SSBP3: variants seen among roughly 807,000 people sequenced by gnomAD.
The protein encoded by SSBP3 is single-stranded DNA-binding protein 3.
In SSBP3, 5 loss-of-function variants were observed where a neutral mutation model predicts 69.6. The observed-to-expected ratio is 0.07, with a 90% CI of 0.04 to 0.15. The LOEUF (loss-of-function observed/expected upper bound fraction) is 0.15, where lower values mean the gene tolerates loss of function less well. Ranked by LOEUF, SSBP3 falls within the 10% of genes least tolerant of loss-of-function variation. The pLI is 1.00. For synonymous variants in SSBP3, 196 were observed against 193.4 expected, an observed-to-expected ratio of 1.01 and a Z score of -0.11; for missense variants, 312 against 534.0, an observed-to-expected ratio of 0.58 and a Z score of 4.10.
intron 4 of SSBP3, among the ~76,000 whole-genome samples, chr1:54,316,769 C>A (rs1646122570): frequency 1.3e-5 from 2 of 151,048 alleles, no homozygotes; most frequent in South Asian, 4.2e-4. Flanking sequence ...TAAGAAAATA[C>A]CTTCGCGTGG....
chr1:54,327,575 T>C (rs903475038), intron 4 of SSBP3, among the ~76,000 whole-genome samples: 1 of 152,072 alleles, frequency 6.6e-6, no homozygotes, highest in African/African-American at 2.4e-5. Flanking sequence ...TTTCTTTCCC[T>C]TTCTCTCTCT....
At chr1:54,407,713 T>A (rs901586102), upstream of SSBP3, among the ~76,000 whole-genome samples, 3 of 151,132 alleles carry the variant, frequency 2.0e-5, no homozygotes, top group Admixed American at 2.0e-4. Flanking sequence ...TTTGGATACA[T>A]CTTTAGGGGA....
chr1:54,238,558 C>T, intron 14 of SSBP3: 1 of 348,982 alleles, frequency 2.9e-6, no homozygotes. Context: ...GCAGGGGACA[C>T]AGGAGGAAGT....
chr1:54,235,352 G>A (rs533287543), intron 14 of SSBP3, among the ~76,000 whole-genome samples: 22 of 140,164 alleles, frequency 1.6e-4, no homozygotes, highest in African/African-American at 1.9e-4. Flanking sequence ...CACGATCTCT[G>A]CTCACTGCAA....
At chr1:54,370,623 A>G (rs568604488) in intron 4 of SSBP3, among the ~76,000 whole-genome samples, 1 of 152,154 alleles carries the variant, frequency 6.6e-6, no homozygotes, top group African/African-American at 2.4e-5. Context: ...CGGGGTAATA[A>G]GCCTTGTCTG....
intron 5 of SSBP3, among the ~76,000 whole-genome samples, chr1:54,270,791 C>T (rs1311917340): frequency 3.9e-5 from 6 of 152,176 alleles, no homozygotes; most frequent in Admixed American, 1.3e-4. Flanking sequence ...TTCTCGCAGC[C>T]GACCTAAGAT....
chr1:54,234,198 C>A (rs1178461134), intron 14 of SSBP3, among the ~76,000 whole-genome samples: 1 of 151,038 alleles, frequency 6.6e-6, no homozygotes, highest in African/African-American at 2.4e-5. Flanking sequence ...TAATCAGGGA[C>A]ACAAACACTG....
In SSBP3 at chr1:54,239,257, A is replaced by G; in HGVS notation, c.857-58T>C. On this transcript the variant is annotated intron_variant, in intron 13 of 17. Coordinates refer to ENST00000610401, the Ensembl canonical transcript of SSBP3. ...GATTAATTCGTTTCTTAATTAAAAC[A>G]AACTCATGGCACTGGAACTCATTCT... is the stretch of plus-strand genomic sequence containing the variant. The G allele has an allele frequency of 2.2e-6, 3 of 1,388,602 alleles. No individual in the cohort carries two copies. The Admixed American group carries it at 6.1e-5, about 28-fold the overall frequency. The allele number at this position is 1,388,602 out of a possible 1,614,324, so 86.0% of individuals were successfully genotyped here.
At chr1:54,338,270 C>G (rs981903457) in intron 4 of SSBP3, among the ~76,000 whole-genome samples, 2 of 152,252 alleles carry the variant, frequency 1.3e-5, no homozygotes, top group Admixed American at 6.5e-5. Context: ...ATATGCTTGC[C>G]TTGCATATGC....
intron 4 of SSBP3, among the ~76,000 whole-genome samples, chr1:54,320,547 T>C (rs1224596864): frequency 7.2e-5 from 11 of 152,036 alleles, no homozygotes; most frequent in Admixed American, 7.2e-4. Context: ...CTTGATCTCC[T>C]GACCTCGTGA....
At chr1:54,306,896 T>C (rs1183118226) in intron 4 of SSBP3, among the ~76,000 whole-genome samples, 1 of 152,182 alleles carries the variant, frequency 6.6e-6, no homozygotes, top group South Asian at 2.1e-4. Context: ...AGAGGTGGCA[T>C]GCGCCTAACA....
chr1:54,379,508 T>C (rs1175470248), intron 4 of SSBP3, among the ~76,000 whole-genome samples: 1 of 152,196 alleles, frequency 6.6e-6, no homozygotes, highest in East Asian at 1.9e-4. Context: ...AGACGCTTGA[T>C]TTGTTTTGTT....
intron 3 of SSBP3, 138 bp downstream of exon 3, chr1:54,404,438 T>TGCCTCG: frequency 1.1e-6 from 1 of 947,404 alleles, no homozygotes. Context: ...TGGGCCGGAG[T>TGCCTCG]GCCTCGAGGT....
intron 9 of SSBP3, among the ~76,000 whole-genome samples, chr1:54,248,933 CATAA>C (rs941561604): frequency 3.2e-4 from 48 of 152,278 alleles, no homozygotes; most frequent in African/African-American, 1.1e-3. Context: ...GGGTGTGTAA[CATAA>C]ATAAAGACGG....
intron 14 of SSBP3, among the ~76,000 whole-genome samples, chr1:54,232,758 G>A (rs1034024557): frequency 6.6e-6 from 1 of 152,184 alleles, no homozygotes. Flanking sequence ...ACGCCTGACT[G>A]GTTTTGGTGG....
At chr1:54,298,299 G>A (rs905544416) in intron 4 of SSBP3, among the ~76,000 whole-genome samples, 1 of 152,022 alleles carries the variant, frequency 6.6e-6, no homozygotes, top group Non-Finnish European at 1.5e-5. Context: ...CATGCCGTAC[G>A]GTCACACGGA....
At chr1:54,339,828 T>A (rs1298007723) in intron 4 of SSBP3, among the ~76,000 whole-genome samples, 2 of 152,056 alleles carry the variant, frequency 1.3e-5, no homozygotes, top group Non-Finnish European at 2.9e-5. Flanking sequence ...GTAGGAGAAT[T>A]GCTTGAACCA....
chr1:54,316,066 T>A (rs545856823), intron 4 of SSBP3, among the ~76,000 whole-genome samples: 1 of 151,332 alleles, frequency 6.6e-6, no homozygotes, highest in Non-Finnish European at 1.5e-5. Context: ...TTATTCTAAC[T>A]GGGCGCGGTG....
At chr1:54,228,204 A>G (rs1389571920) in intron 17 of SSBP3, 51 bp downstream of exon 17, 2 of 1,526,024 alleles carry the variant, frequency 1.3e-6, no homozygotes, top group Admixed American at 1.7e-5. Context: ...TTGTTAGGAA[A>G]GAGTCCCCAG....
Sources: allele counts gnomAD v4.1 joint callset (sites outside exome capture counted in the v4.1 genomes callset), GRCh38; gene constraint gnomAD v4.1.1; transcripts MANE v1.5; gene names NCBI Gene and HGNC (gene_info 2026-07-23, HGNC 2026-07-21).